The following CHST12 variants were observed in gnomAD, a reference collection of about 807,000 sequenced individuals.
CHST12 encodes the protein carbohydrate sulfotransferase 12, also known as carbohydrate (chondroitin 4) sulfotransferase 12.
A neutral mutation model predicts 27.9 loss-of-function variants in CHST12; 23 were observed. The ratio of observed to expected loss-of-function variants is 0.82; its 90% CI spans 0.59 to 1.17. The LOEUF (loss-of-function observed/expected upper bound fraction) is 1.17. Among genes scored for constraint, CHST12 ranks in the 50% most tolerant of loss-of-function variants. The pLI is 0.00. For missense variants in CHST12, 682 were observed against 603.0 expected, an observed-to-expected ratio of 1.13 and a Z score of -1.37; for synonymous variants, 322 against 273.0, an observed-to-expected ratio of 1.18 and a Z score of -1.77.
At position 2,432,629 on chromosome 7, in the gene CHST12, C is replaced by T. The variant is rs778112422; in HGVS notation, c.-11C>T. 1.3e-6 allele frequency: 2 copies of T among 1,599,978 alleles called. No homozygotes were observed. The highest frequency in any genetic ancestry group is 3.4e-5 in the Admixed American group (2 of 59,502). On this transcript the variant is annotated 5_prime_UTR_variant, in exon 2 of 2. Transcript: ENST00000618655. ...AGAGGCCCGGAGAGGGCCCAGCCCGCCCGGGGCAGGATGACCAAGGCCCGG... is the reference window on the plus strand; with the variant it reads ...AGAGGCCCGGAGAGGGCCCAGCCCGTCCGGGGCAGGATGACCAAGGCCCGG...
intron 1 of CHST12, among the ~76,000 whole-genome samples, chr7:2,425,238 C>A (rs7792013): frequency 0.19 from 23,679 of 121,638 alleles, 2,292 homozygotes; most frequent in African/African-American, 0.31. Context: ...AAAAAAAAAA[C>A]GTAAAAAAAC....
rs751642480 is a variant in CHST12, at chr7:2,433,400, C to G, written c.761C>G (p.Ala254Gly). ...GACCCCTTCGTGCGCCTGATCTCCGCCTTCCGCAGCAAGTTCGAGCTGGAG... is the reference window on the plus strand; with the variant it reads ...GACCCCTTCGTGCGCCTGATCTCCGGCTTCCGCAGCAAGTTCGAGCTGGAG... ...VRDPFVRLIS[A>G]FRSKFELENE... Residue 254 changes from alanine (A) to glycine (G), a missense_variant, in exon 2 of 2, where the codon GCC becomes GGC. Ala to Gly is a moderately conservative substitution (Grantham distance 60, BLOSUM62 0). Transcript: ENST00000618655. This position sits in a 1 kb window ranked among gnomAD's most constrained non-coding sequence, Gnocchi z 6.1. The G allele has an allele frequency of 3.1e-6, 5 of 1,609,672 alleles. No homozygotes were observed. The Admixed American group carries it at 6.7e-5, about 21-fold the overall frequency.
intron 1 of CHST12, among the ~76,000 whole-genome samples, chr7:2,424,655 G>GT (rs1782061372): frequency 6.6e-6 from 1 of 152,158 alleles, no homozygotes; most frequent in African/African-American, 2.4e-5. Flanking sequence ...ACTCATTAGC[G>GT]TATCTGTTCA....
chr7:2,446,479 ATGTC>A lies in CHST12; in HGVS notation c.*12599_*12602del, dbSNP rs142905887. ...CAGCCAACAAGGCGGTGCCTGAACT[ATGTC>A]TGTGGATGACGGAGCCACGACCTGT... On this transcript the variant is annotated 3_prime_UTR_variant, in exon 2 of 2. Coordinates refer to ENST00000618655, the MANE Select transcript of CHST12 (RefSeq NM_018641.5). 0.11 allele frequency: 16,960 copies of A among 152,602 alleles called. 1,275 individuals are homozygous for A. Among genetic ancestry groups the A allele is most frequent in the South Asian group, 0.2 (958 of 4,818 alleles). The allele number at this position is 152,602 out of a possible 1,614,324, so 9.5% of individuals were successfully genotyped here. A position where few individuals can be genotyped will look rare whatever the true frequency, so the allele number is the denominator to read the frequency against.
At chr7:2,419,943 A>G (rs1216102776) in intron 1 of CHST12, among the ~76,000 whole-genome samples, 1 of 146,952 alleles carries the variant, frequency 6.8e-6, no homozygotes, top group African/African-American at 2.5e-5. Flanking sequence ...GGAACCTCAT[A>G]CAAGTAGAAT....
At position 2,434,429 on chromosome 7, in the gene CHST12, G is replaced by C. The variant is rs879244348; in HGVS notation, c.*545G>C. ...ATTTCTAGGATTTCTAACTCCAGCT[G>C]TTCCCATACTGTCTAGTTTAAATTA... On this transcript the variant is annotated 3_prime_UTR_variant, in exon 2 of 2. Transcript: ENST00000618655. 1 of 168,040 alleles carries C rather than the reference G, an allele frequency of 6.0e-6. No individual in the cohort carries two copies. The highest frequency in any genetic ancestry group is 1.5e-5 in the Non-Finnish European group (1 of 68,960). The allele number at this position is 168,040 out of a possible 1,614,324, so 10.4% of individuals were successfully genotyped here.
rs1782428921 is a variant in CHST12, at chr7:2,434,637, G to T, written c.*753G>T. 1 of 143,750 alleles carries T rather than the reference G, an allele frequency of 7.0e-6. No individual in the cohort carries two copies. The highest frequency in any genetic ancestry group is 1.5e-5 in the Non-Finnish European group (1 of 68,670). The allele number at this position is 143,750 out of a possible 1,614,324, so 8.9% of individuals were successfully genotyped here. A position where few individuals can be genotyped will look rare whatever the true frequency, so the allele number is the denominator to read the frequency against. ...AAAAATGAGTCGGGTGTGGTGGTGT[G>T]CACCTGTAGTCCCAGCTACTCAGGA... is the stretch of plus-strand genomic sequence containing the variant. On this transcript the variant is annotated 3_prime_UTR_variant, in exon 2 of 2. Coordinates refer to ENST00000618655, the MANE Select transcript of CHST12 (RefSeq NM_018641.5).
rs1319664511 is a variant in CHST12, at chr7:2,440,677, T to G, written c.*6793T>G. 2 of 152,160 alleles carry G rather than the reference T, an allele frequency of 1.3e-5. No individual in the cohort carries two copies. The highest frequency in any genetic ancestry group is 2.9e-5 in the Non-Finnish European group (2 of 68,034). The allele number at this position is 152,160 out of a possible 1,614,324, so 9.4% of individuals were successfully genotyped here. On this transcript the variant is annotated 3_prime_UTR_variant, in exon 2 of 2. Transcript: ENST00000618655. The stretch of plus-strand genomic sequence containing the variant: ...TGGTGGTTTATACCTGTAGTCACCT[T>G]CTATCTTAGTTAGGAATTCACCTTC...
At chr7:2,404,082 C>T (rs908244628) in intron 1 of CHST12, 2 of 152,362 alleles carry the variant, frequency 1.3e-5, no homozygotes, top group Non-Finnish European at 2.9e-5. Flanking sequence ...GGACCAATTC[C>T]CGGGCTTGGA....
chr7:2,438,849 G>C lies in CHST12; in HGVS notation c.*4965G>C, dbSNP rs565804177. Reference sequence around the variant, plus strand: ...AGCCATTGTGTCCCATGGTTGATACGGGACGGGGCTGATTTCCTGACCTGG... The same window carrying C: ...AGCCATTGTGTCCCATGGTTGATACCGGACGGGGCTGATTTCCTGACCTGG... On this transcript the variant is annotated 3_prime_UTR_variant, in exon 2 of 2. Transcript: ENST00000618655. The C allele has an allele frequency of 6.8e-6, 1 of 147,012 alleles. No individual in the cohort carries two copies. The highest frequency in any genetic ancestry group is 2.1e-4 in the South Asian group (1 of 4,820). 9.1% of individuals were successfully genotyped at this position (147,012 alleles called of 1,614,324 possible).
At chr7:2,406,923 A>G (rs1473910709) in intron 1 of CHST12, among the ~76,000 whole-genome samples, 2 of 152,154 alleles carry the variant, frequency 1.3e-5, no homozygotes, top group Non-Finnish European at 2.9e-5. Flanking sequence ...GGCTGTCATT[A>G]ATGTCCACGC....
intron 1 of CHST12, among the ~76,000 whole-genome samples, chr7:2,428,751 AAC>A (rs1476691433): frequency 6.6e-6 from 1 of 152,208 alleles, no homozygotes; most frequent in African/African-American, 2.4e-5. Flanking sequence ...TTAAAACAGA[AAC>A]ACAGGCTTTC....
chr7:2,437,867 A>C lies in CHST12; in HGVS notation c.*3983A>C, dbSNP rs1311609849. ...CCCTCCGATGAGGCCAGCTGCATTC[A>C]TCGGGGCCTGGATGGCCGCACCTCT... On this transcript the variant is annotated 3_prime_UTR_variant, in exon 2 of 2. Transcript: ENST00000618655. 1 of 152,210 alleles carries C rather than the reference A, an allele frequency of 6.6e-6. No homozygotes were observed. Among genetic ancestry groups the C allele is most frequent in the Admixed American group, 6.5e-5 (1 of 15,282 alleles). The allele number at this position is 152,210 out of a possible 1,614,324, so 9.4% of individuals were successfully genotyped here. A position where few individuals can be genotyped will look rare whatever the true frequency, so the allele number is the denominator to read the frequency against.
rs554857874 is a variant in CHST12 at position 2,403,866 on chromosome 7, C to T, written c.-78+193C>T. ...CGCCGGCGCGCAGTGTGACCTTGGCCCTGCGCGCGCCCTCTCTGAGCCCCG... is the reference window on the plus strand; with the variant it reads ...CGCCGGCGCGCAGTGTGACCTTGGCTCTGCGCGCGCCCTCTCTGAGCCCCG... On this transcript the variant is annotated intron_variant, in intron 1 of 1. Coordinates refer to ENST00000618655, the MANE Select transcript of CHST12 (RefSeq NM_018641.5). Among the ~76,000 whole-genome samples the T allele has an allele frequency of 3.3e-5, 5 of 152,156 alleles. No homozygotes were observed. The South Asian group carries it at 1.0e-3, about 32-fold the overall frequency.
rs1782325627 is a variant in CHST12, at chr7:2,432,899, A to T, written c.260A>T (p.Glu87Val). Residue 87 changes from glutamate to valine, a missense_variant, in exon 2 of 2, where the codon GAG becomes GTG. Physicochemically the swap from Glu to Val is moderately radical, Grantham distance 121. Transcript: ENST00000618655. ...GVKQSDLPRK[E>V]TEQPPAPGSM... ...AAGCAGAGCGACCTTCCCAGAAAGG[A>T]GACGGAGCAGCCGCCTGCGCCGGGG... 1 of 1,613,294 alleles carries T rather than the reference A, an allele frequency of 6.2e-7. No homozygotes were observed. Among genetic ancestry groups the T allele is most frequent in the African/African-American group, 1.3e-5 (1 of 75,034 alleles).
intron 1 of CHST12, among the ~76,000 whole-genome samples, chr7:2,414,091 C>A (rs114305283): frequency 0.017 from 2,571 of 152,122 alleles, 61 homozygotes; most frequent in African/African-American, 0.059. Flanking sequence ...TTCCTATGTG[C>A]TTTCTGACTA....
In CHST12 at chr7:2,433,228, C is replaced by T. The variant is rs773892319; in HGVS notation, c.589C>T (p.Arg197Cys). The change falls in exon 2 of 2, where the codon CGC (arginine) becomes TGC (cysteine). Residue 197 changes from arginine (R) to cysteine (C), a missense_variant. Transcript: ENST00000618655. This position sits in a 1 kb window ranked among gnomAD's most constrained non-coding sequence, Gnocchi z 6.1. ...GSLLHRGAPY[R>C]DPLRIPREHV... Reference sequence around the variant, plus strand: ...CCTGCTGCACCGCGGTGCGCCCTACCGCGACCCGCTGCGCATCCCGCGCGA... The same window carrying T: ...CCTGCTGCACCGCGGTGCGCCCTACTGCGACCCGCTGCGCATCCCGCGCGA... The T allele has an allele frequency of 2.5e-5, 41 of 1,611,996 alleles. No homozygotes were observed. The highest frequency in any genetic ancestry group is 2.2e-4 in the Admixed American group (13 of 59,942).
chr7:2,405,487 A>T (rs1230661824), intron 1 of CHST12, among the ~76,000 whole-genome samples: 2 of 152,138 alleles, frequency 1.3e-5, no homozygotes, highest in Non-Finnish European at 2.9e-5. Context: ...ATGCTGTGTG[A>T]GGGAGTTTAA....
chr7:2,420,004 C>T (rs1451793881), intron 1 of CHST12, among the ~76,000 whole-genome samples: 28 of 119,524 alleles, frequency 2.3e-4, no homozygotes, highest in Non-Finnish European at 3.7e-4. Context: ...GATGGAGTCT[C>T]GCTCTGTTGC....
Sources: gnomAD v4.1 joint callset for allele counts (sites outside exome capture counted in the v4.1 genomes callset) on GRCh38, gnomAD v4.1.1 for gene constraint, Gnocchi (gnomAD v3.1) non-coding constraint, MANE v1.5 for transcripts, NCBI Gene and HGNC (gene_info 2026-07-23, HGNC 2026-07-21) for gene names.